The following SPTAN1 variants were observed in gnomAD, a reference collection of about 807,000 sequenced individuals.
SPTAN1 encodes spectrin alpha, non-erythrocytic 1, also known as spectrin alpha chain, non-erythrocytic 1.
In SPTAN1, 61 loss-of-function variants were observed where a neutral mutation model predicts 331.3. That is an observed-to-expected ratio of 0.18 (90% CI 0.15 to 0.23). The LOEUF is 0.23. Ranked by LOEUF, SPTAN1 falls within the 10% of genes least tolerant of loss-of-function variation. SPTAN1 has a pLI of 1.00. For missense variants in SPTAN1, 2,043 were observed against 3,147.9 expected, an observed-to-expected ratio of 0.65 and a Z score of 8.40; for synonymous variants, 1,153 against 1,173.9, an observed-to-expected ratio of 0.98 and a Z score of 0.36.
intron 18 of SPTAN1, 102 bp downstream of exon 18, chr9:128,584,945 C>A: frequency 5.2e-6 from 7 of 1,343,002 alleles, no homozygotes; most frequent in East Asian, 2.3e-5. Context: ...GGCTCTGGGG[C>A]TGAATACCAT....
intron 19 of SPTAN1, among the ~76,000 whole-genome samples, chr9:128,587,116 C>T (rs1452402930): frequency 1.3e-5 from 2 of 150,876 alleles, no homozygotes; most frequent in African/African-American, 2.4e-5. Context: ...GCACCGCGCT[C>T]GTTCTGTCGC....
In SPTAN1 at chr9:128,627,595, A is replaced by T; in HGVS notation, c.6689+97A>T. 2 of 1,211,160 alleles carry T rather than the reference A, an allele frequency of 1.7e-6. No individual in the cohort carries two copies. Among genetic ancestry groups the T allele is most frequent in the South Asian group, 2.6e-5 (2 of 77,940 alleles). 75.0% of individuals were successfully genotyped at this position (1,211,160 alleles called of 1,614,324 possible). A position where few individuals can be genotyped will look rare whatever the true frequency, so the allele number is the denominator to read the frequency against. On this transcript the variant is annotated intron_variant, in intron 50 of 56. Coordinates refer to ENST00000372739, the MANE Select transcript of SPTAN1 (RefSeq NM_001130438.3). This position sits in a 1 kb window ranked among gnomAD's most constrained non-coding sequence, Gnocchi z 4.9. Reference sequence around the variant, plus strand: ...CCAAGGAGGTGGTGGTGCTTTGTGTAAAACCAGAGGCAGCCTGGGAATAAA... The same window carrying T: ...CCAAGGAGGTGGTGGTGCTTTGTGTTAAACCAGAGGCAGCCTGGGAATAAA...
At chr9:128,604,483 A>T in intron 29 of SPTAN1, 66 bp downstream of exon 29, 2 of 1,501,258 alleles carry the variant, frequency 1.3e-6, no homozygotes, top group Non-Finnish European at 1.8e-6. Flanking sequence ...GACAGCCCCC[A>T]AGCTTGCTGA....
At chr9:128,580,105 G>C (rs575503127) in intron 10 of SPTAN1, among the ~76,000 whole-genome samples, 1 of 152,094 alleles carries the variant, frequency 6.6e-6, no homozygotes, top group South Asian at 2.1e-4. Flanking sequence ...TTGAGGCCAG[G>C]AATGGGAGAC....
chr9:128,562,733 G>A (rs143761114), intron 1 of SPTAN1, among the ~76,000 whole-genome samples: 121 of 151,990 alleles, frequency 8.0e-4, no homozygotes, highest in African/African-American at 2.7e-3. Flanking sequence ...GGGAGGCCAA[G>A]GTGGGCGGAT....
At chr9:128,600,168 A>T in intron 27 of SPTAN1, 53 bp downstream of exon 27, 1 of 1,581,136 alleles carries the variant, frequency 6.3e-7, no homozygotes, top group Non-Finnish European at 8.7e-7. Context: ...AGATCATGAA[A>T]TATGTCCTTT....
At chr9:128,582,348 C>A in intron 12 of SPTAN1, 131 bp from the exon 13 acceptor site, 1 of 815,432 alleles carries the variant, frequency 1.2e-6, no homozygotes, top group Admixed American at 2.0e-5. Flanking sequence ...CATCACCAAC[C>A]TTTGGGTGAA....
intron 31 of SPTAN1, among the ~76,000 whole-genome samples, chr9:128,606,374 CAAAA>C (rs59257779): frequency 6.8e-5 from 4 of 58,744 alleles, no homozygotes; most frequent in Admixed American, 3.2e-4. Flanking sequence ...GACTCTGCCT[CAAAA>C]AAAAAAAAAA....
intron 1 of SPTAN1, among the ~76,000 whole-genome samples, chr9:128,554,751 A>G (rs948352644): frequency 6.6e-6 from 1 of 152,240 alleles, no homozygotes; most frequent in African/African-American, 2.4e-5. Flanking sequence ...GCGGAGGAGG[A>G]GGAGGACTGC....
At chr9:128,582,429 G>A (rs2131121323) in intron 12 of SPTAN1, 50 bp from the exon 13 acceptor site, 2 of 1,548,602 alleles carry the variant, frequency 1.3e-6, no homozygotes, top group Admixed American at 1.7e-5. Flanking sequence ...CAGAGGCCAA[G>A]CTTGGGACTA....
Position 128,588,790 on chromosome 9 carries a change from C to A in SPTAN1, c.2872-19C>A. 2 of 1,613,718 alleles carry A rather than the reference C, an allele frequency of 1.2e-6. No individual in the cohort carries two copies. Among genetic ancestry groups the A allele is most frequent in the Non-Finnish European group, 1.7e-6 (2 of 1,180,008 alleles). ...GCGGACGTGTTTTTACCATGTTTGCCCTTCCTTTGGATTTTTAGCAACAAG... is the reference window on the plus strand; with the variant it reads ...GCGGACGTGTTTTTACCATGTTTGCACTTCCTTTGGATTTTTAGCAACAAG... On this transcript the variant is annotated intron_variant, in intron 20 of 56. Coordinates refer to ENST00000372739, the MANE Select transcript of SPTAN1 (RefSeq NM_001130438.3).
Position 128,591,505 on chromosome 9 carries a change from G to A in SPTAN1, c.3035G>A (p.Arg1012His), listed in dbSNP as rs1265382491. ...TGGTGGAAAGTGGAAGTGAACGATC[G>A]TCAGGGTTTTGTGCCGGCTGCGTAC... ...KDWWKVEVND[R>H]QGFVPAAYVK... Residue 1012 changes from arginine to histidine, a missense_variant, in exon 22 of 57, where the codon CGT (arginine) becomes CAT (histidine). Coordinates refer to ENST00000372739, the MANE Select transcript of SPTAN1 (RefSeq NM_001130438.3). The A allele has an allele frequency of 1.9e-6, 3 of 1,613,990 alleles. No individual in the cohort carries two copies. Among genetic ancestry groups the A allele is most frequent in the South Asian group, 1.1e-5 (1 of 91,082 alleles).
chr9:128,562,490 C>T (rs1436926087), intron 1 of SPTAN1, among the ~76,000 whole-genome samples: 6 of 152,076 alleles, frequency 3.9e-5, no homozygotes, highest in African/African-American at 1.4e-4. Context: ...TTCAAATGGA[C>T]CCTGTCCAGG....
intron 51 of SPTAN1, 77 bp from the exon 52 acceptor site, chr9:128,630,240 GCTCT>G (rs745798837): frequency 2.8e-5 from 41 of 1,489,624 alleles, no homozygotes; most frequent in South Asian, 1.6e-4. Flanking sequence ...GCCAGGCATT[GCTCT>G]CTCTGAGAGA....
intron 45 of SPTAN1, among the ~76,000 whole-genome samples, 173 bp from the exon 46 acceptor site, chr9:128,624,155 A>C (rs989971265): frequency 4.6e-5 from 7 of 151,224 alleles, no homozygotes; most frequent in Non-Finnish European, 8.8e-5. Context: ...ATTTGTGTGA[A>C]GCCTTTGACC....
chr9:128,583,979 A>ACTG lies in SPTAN1; in HGVS notation c.2193+11_2193+13dup. 1 of 1,614,186 alleles carries ACTG rather than the reference A, an allele frequency of 6.2e-7. No individual in the cohort carries two copies. The highest frequency in any genetic ancestry group is 8.5e-7 in the Non-Finnish European group (1 of 1,180,024). On this transcript the variant is annotated intron_variant, in intron 16 of 56. Coordinates refer to ENST00000372739, the MANE Select transcript of SPTAN1 (RefSeq NM_001130438.3). Reference sequence around the variant, plus strand: ...TGTGGCTGCTCACCAGGTAGTGTGAACTGGGGGCTGTGGTTGGGCAAGTGA... The same window carrying ACTG: ...TGTGGCTGCTCACCAGGTAGTGTGAACTGCTGGGGGCTGTGGTTGGGCAAGTGA...
At chr9:128,583,051 A>G in intron 14 of SPTAN1, 26 bp from the exon 15 acceptor site, 2 of 1,612,706 alleles carry the variant, frequency 1.2e-6, no homozygotes, top group Non-Finnish European at 1.7e-6. Flanking sequence ...TTCAAGATAG[A>G]AAGAACCCCC....
chr9:128,617,557 G>T, intron 41 of SPTAN1, 83 bp from the exon 42 acceptor site: 1 of 1,598,212 alleles, frequency 6.3e-7, no homozygotes, highest in East Asian at 2.2e-5. Flanking sequence ...AGATGTCTGT[G>T]AGGTCCACAG....
Position 128,605,471 on chromosome 9 carries a change from A to G in SPTAN1, c.4040A>G (p.Asp1347Gly), listed in dbSNP as rs761540895. 1 of 1,614,036 alleles carries G rather than the reference A, an allele frequency of 6.2e-7. No homozygotes were observed. Among genetic ancestry groups the G allele is most frequent in the East Asian group, 2.2e-5 (1 of 44,878 alleles). Residue 1347 changes from aspartate to glycine, a missense_variant, in exon 31 of 57, where the codon GAT becomes GGT. Around this residue, in one of 12 missense-constraint regions of SPTAN1, gnomAD observed 179 missense variants for 215.7 expected, o/e 0.83. Coordinates refer to ENST00000372739, the MANE Select transcript of SPTAN1 (RefSeq NM_001130438.3). ...CACGACCTGCAGCGCTTCCTTAGCGATTTCCGGTACGGAGCCATGTTCACT... is the reference window on the plus strand; with the variant it reads ...CACGACCTGCAGCGCTTCCTTAGCGGTTTCCGGTACGGAGCCATGTTCACT... Reference protein sequence around the residue: ...DSHDLQRFLSDFRDLMSWING... With the variant: ...DSHDLQRFLSGFRDLMSWING...
Sources: gnomAD v4.1 joint callset for allele counts (sites outside exome capture counted in the v4.1 genomes callset) on GRCh38, gnomAD v4.1.1 for gene constraint, gnomAD v4.1.1 regional missense constraint, Gnocchi (gnomAD v3.1) non-coding constraint, MANE v1.5 for transcripts, NCBI Gene and HGNC (gene_info 2026-07-23, HGNC 2026-07-21) for gene names.